Variants in C1orf21 observed in about 807,000 individuals in gnomAD.
C1orf21 encodes the protein uncharacterized protein C1orf21.
A neutral mutation model predicts 18.7 loss-of-function variants in C1orf21; 3 were observed. The observed-to-expected ratio is 0.16, with a 90% CI of 0.07 to 0.42. The LOEUF (loss-of-function observed/expected upper bound fraction) is 0.42. C1orf21 is among the 10% of genes least tolerant of loss of function. The pLI is 0.99. For missense variants in C1orf21, 104 were observed against 143.6 expected, an observed-to-expected ratio of 0.72 and a Z score of 1.41; for synonymous variants, 41 against 46.4, an observed-to-expected ratio of 0.88 and a Z score of 0.47.
rs1180076519 is a variant in C1orf21 at position 184,446,292 on chromosome 1, C to A, written c.-124-31094C>A. On this transcript the variant is annotated intron_variant, in intron 1 of 5. Coordinates refer to ENST00000235307, the MANE Select transcript of C1orf21 (RefSeq NM_030806.4). ...ATTTTTCTGTCTCTCTCCTCACTGT[C>A]TACTATATTTTATTTCTATTCCTTT... 3.9e-5 allele frequency among the ~76,000 whole-genome samples: 6 copies of A among 152,018 alleles called. No homozygotes were observed. The East Asian group carries it at 1.2e-3, about 29-fold the overall frequency.
chr1:184,596,804 G>C (rs1659520399), intron 4 of C1orf21, among the ~76,000 whole-genome samples: 1 of 151,104 alleles, frequency 6.6e-6, no homozygotes. Flanking sequence ...CCAGGAGGCA[G>C]AAGTTGCAGT....
At chr1:184,449,538 G>A (rs1006528018) in intron 1 of C1orf21, among the ~76,000 whole-genome samples, 1 of 152,136 alleles carries the variant, frequency 6.6e-6, no homozygotes, top group African/African-American at 2.4e-5. Flanking sequence ...ATAGCAGCAT[G>A]ATTTATAATC....
At chr1:184,519,810 G>A (rs943333252) in intron 3 of C1orf21, among the ~76,000 whole-genome samples, 1 of 152,106 alleles carries the variant, frequency 6.6e-6, no homozygotes, top group Non-Finnish European at 1.5e-5. Context: ...TCTCGGCTCC[G>A]GTAAGCATCT....
At chr1:184,474,724 CCTGTTTTTA>C (rs1453985994) in intron 1 of C1orf21, among the ~76,000 whole-genome samples, 14 of 152,160 alleles carry the variant, frequency 9.2e-5, no homozygotes, top group Admixed American at 9.2e-4. Flanking sequence ...CCCCCTCTCT[CCTGTTTTTA>C]CTTAGTTTAT....
rs1427202295 is a variant in C1orf21, at chr1:184,428,962, C to G, written c.-125+41594C>G. 2.0e-5 allele frequency among the ~76,000 whole-genome samples: 3 copies of G among 152,164 alleles called. No individual in the cohort carries two copies. In the East Asian group the frequency reaches 5.8e-4, roughly 29 times the overall value. On this transcript the variant is annotated intron_variant, in intron 1 of 5. Coordinates refer to ENST00000235307, the MANE Select transcript of C1orf21 (RefSeq NM_030806.4). ...GCAGGGGCTGTGGTCACCCTGCCCCCCAGCTTACATTCCTTGCACAGTTTT... is the reference window on the plus strand; with the variant it reads ...GCAGGGGCTGTGGTCACCCTGCCCCGCAGCTTACATTCCTTGCACAGTTTT...
chr1:184,568,306 A>G (rs528220859), intron 3 of C1orf21: 50 of 390,402 alleles, frequency 1.3e-4, no homozygotes, highest in Non-Finnish European at 2.0e-4. Flanking sequence ...TGCAACCATC[A>G]CCACCATCCA....
chr1:184,531,244 C>T (rs1658458820), intron 3 of C1orf21, among the ~76,000 whole-genome samples: 1 of 152,136 alleles, frequency 6.6e-6, no homozygotes, highest in South Asian at 2.1e-4. Context: ...GGAAAATCGA[C>T]TGTCTTTCAT....
intron 3 of C1orf21, among the ~76,000 whole-genome samples, chr1:184,530,600 C>CTTTTTTTTTTTTTTTTT (rs1184327589): frequency 1.8e-5 from 2 of 111,458 alleles, no homozygotes; most frequent in Admixed American, 9.0e-5. Context: ...TTTCTTTTTT[C>CTTTTTTTTTTTTTTTTT]TTTTTTTTTT....
intron 1 of C1orf21, among the ~76,000 whole-genome samples, chr1:184,446,414 G>C (rs185016832): frequency 6.6e-6 from 1 of 151,850 alleles, no homozygotes; most frequent in Admixed American, 6.6e-5. Flanking sequence ...CTTTTGTGTC[G>C]TCTGATCGAG....
At chr1:184,428,645 A>G (rs755761588) in intron 1 of C1orf21, among the ~76,000 whole-genome samples, 41 of 152,322 alleles carry the variant, frequency 2.7e-4, no homozygotes, top group Non-Finnish European at 5.0e-4. Context: ...TTAAGCAAAC[A>G]TTTGTAAATT....
chr1:184,583,220 C>T (rs777199389), intron 3 of C1orf21, among the ~76,000 whole-genome samples: 16 of 152,246 alleles, frequency 1.1e-4, no homozygotes, highest in Non-Finnish European at 2.2e-4. Flanking sequence ...TTGGGAAGCT[C>T]GCGACAACAG....
chr1:184,402,348 C>G (rs540393432), intron 1 of C1orf21, among the ~76,000 whole-genome samples: 1 of 144,646 alleles, frequency 6.9e-6, no homozygotes, highest in South Asian at 2.1e-4. Flanking sequence ...ACATGGCTAT[C>G]TGGCATCACA....
chr1:184,574,888 C>G (rs1349684401), intron 3 of C1orf21, among the ~76,000 whole-genome samples: 1 of 152,242 alleles, frequency 6.6e-6, no homozygotes, highest in Admixed American at 6.5e-5. Context: ...AGTCCTGTCA[C>G]TATCCCGCAT....
chr1:184,436,982 T>A (rs1375024299), intron 1 of C1orf21, among the ~76,000 whole-genome samples: 2 of 152,034 alleles, frequency 1.3e-5, no homozygotes, highest in African/African-American at 4.8e-5. Context: ...AATCTGACCT[T>A]TTTGCTGAGC....
At chr1:184,617,237 T>C (rs1659839980) in intron 5 of C1orf21, among the ~76,000 whole-genome samples, 1 of 152,162 alleles carries the variant, frequency 6.6e-6, no homozygotes. Flanking sequence ...TTGTGCGCTG[T>C]CAAACAACAG....
At chr1:184,414,301 T>A (rs1389592276) in intron 1 of C1orf21, among the ~76,000 whole-genome samples, 1 of 152,110 alleles carries the variant, frequency 6.6e-6, no homozygotes, top group Non-Finnish European at 1.5e-5. Flanking sequence ...GCTAATTTTT[T>A]AATTTTTTGT....
intron 1 of C1orf21, among the ~76,000 whole-genome samples, chr1:184,440,671 T>G (rs1656929446): frequency 6.6e-6 from 1 of 152,102 alleles, no homozygotes; most frequent in Non-Finnish European, 1.5e-5. Context: ...TTCTAATAAG[T>G]AAGATAGTAA....
At chr1:184,487,878 A>T (rs149081371) in intron 2 of C1orf21, among the ~76,000 whole-genome samples, 1 of 152,180 alleles carries the variant, frequency 6.6e-6, no homozygotes, top group African/African-American at 2.4e-5. Flanking sequence ...TGAGACTAAA[A>T]TGTATTAATA....
At chr1:184,488,943 C>T (rs1044331631) in intron 2 of C1orf21, among the ~76,000 whole-genome samples, 1 of 151,966 alleles carries the variant, frequency 6.6e-6, no homozygotes, top group African/African-American at 2.4e-5. Context: ...CCAGCCTGGG[C>T]GACAGAGCGA....
Sources: gnomAD v4.1 joint callset for allele counts (sites outside exome capture counted in the v4.1 genomes callset) on GRCh38, gnomAD v4.1.1 for gene constraint, MANE v1.5 for transcripts, NCBI Gene and HGNC (gene_info 2026-07-23, HGNC 2026-07-21) for gene names.